Variants in CLTC observed in about 807,000 individuals in gnomAD.
CLTC encodes the protein clathrin heavy chain 1.
A neutral mutation model predicts 195.8 loss-of-function variants in CLTC; 16 were observed. The ratio of observed to expected loss-of-function variants is 0.08; its 90% CI spans 0.06 to 0.12. CLTC has a LOEUF of 0.12. Ranked by LOEUF, CLTC falls within the 10% of genes least tolerant of loss-of-function variation. The probability of loss-of-function intolerance (pLI) is 1.00; values close to 1 mark genes in which losing one functional copy is unlikely to be tolerated. For missense variants in CLTC, 796 were observed against 2,027.0 expected, an observed-to-expected ratio of 0.39 and a Z score of 11.66; for synonymous variants, 667 against 689.4, an observed-to-expected ratio of 0.97 and a Z score of 0.51.
intron 1 of CLTC, among the ~76,000 whole-genome samples, chr17:59,638,684 C>T (rs1340630480): frequency 6.6e-6 from 1 of 152,066 alleles, no homozygotes. Flanking sequence ...ATAGGGTTCG[C>T]GTGCCTATGA....
chr17:59,647,853 C>T (rs564207186), intron 3 of CLTC, among the ~76,000 whole-genome samples, 187 bp downstream of exon 3: 9 of 152,072 alleles, frequency 5.9e-5, no homozygotes, highest in East Asian at 5.8e-4. Flanking sequence ...TCTTCTTCCT[C>T]GCTCCCTTGC....
At chr17:59,638,933 G>A (rs1183352193) in intron 1 of CLTC, among the ~76,000 whole-genome samples, 1 of 152,210 alleles carries the variant, frequency 6.6e-6, no homozygotes, top group Non-Finnish European at 1.5e-5. Flanking sequence ...GAATGGAGAA[G>A]GAAGGAGATG....
Position 59,674,743 on chromosome 17 carries a change from G to C in CLTC, c.2461G>C (p.Asp821His). 6.2e-7 allele frequency: 1 copy of C among 1,613,156 alleles called. No homozygotes were observed. Among genetic ancestry groups the C allele is most frequent in the Non-Finnish European group, 8.5e-7 (1 of 1,179,504 alleles). The change falls in exon 16 of 32, where the codon GAT (aspartate) becomes CAT (histidine). Residue 821 changes from aspartate (D) to histidine (H), a missense_variant. Asp to His is a moderately conservative substitution (Grantham distance 81, BLOSUM62 -1). Around this residue, in one of 9 missense-constraint regions of CLTC, gnomAD observed 160 missense variants for 448.2 expected, o/e 0.36. Transcript: ENST00000269122. ...TCCTGTAGTTATTGGAGGATTACTT[G>C]ATGTTGACTGTTCTGAAGATGTCAT... is the stretch of plus-strand genomic sequence containing the variant. ...RLPVVIGGLLDVDCSEDVIKN... is the reference protein window; with the variant it reads ...RLPVVIGGLLHVDCSEDVIKN...
intron 3 of CLTC, 44 bp downstream of exon 3, chr17:59,647,710 C>T (rs766214993): frequency 3.4e-5 from 51 of 1,516,256 alleles, no homozygotes; most frequent in South Asian, 3.2e-4. Context: ...GTTTAGAACA[C>T]GGTTGTGCCC....
At position 59,681,108 on chromosome 17, in the gene CLTC, T is replaced by C. The variant is rs2033071884; in HGVS notation, c.3065+51T>C. On this transcript the variant is annotated intron_variant, in intron 19 of 31. Coordinates refer to ENST00000269122, the MANE Select transcript of CLTC (RefSeq NM_004859.4). The surrounding 1 kb of genome is among the most constrained non-coding windows in gnomAD (Gnocchi z 5.0). ...CTATTTATAGTCAGTCTTTAATAAATTATGGCCCATCAGTTTTGGGAAGGA... is the reference window on the plus strand; with the variant it reads ...CTATTTATAGTCAGTCTTTAATAAACTATGGCCCATCAGTTTTGGGAAGGA... 6.3e-7 allele frequency: 1 copy of C among 1,579,718 alleles called. No homozygotes were observed.
rs758534869 is a variant in CLTC, at chr17:59,683,859, ACT to A, written c.4324-13_4324-12del. 5.6e-6 allele frequency: 9 copies of A among 1,611,900 alleles called. No homozygotes were observed. The South Asian group carries it at 8.8e-5, about 16-fold the overall frequency. The stretch of plus-strand genomic sequence containing the variant: ...CAATAATGTGCTATATTTGTAACAA[ACT>A]CTTTATTTTAAAGGTTAAACAGCTA... On this transcript the variant is annotated splice_polypyrimidine_tract_variant and intron_variant, in intron 27 of 31. Coordinates refer to ENST00000269122, the MANE Select transcript of CLTC (RefSeq NM_004859.4). This position sits in a 1 kb window ranked among gnomAD's most constrained non-coding sequence, Gnocchi z 6.1.
At chr17:59,623,454 T>G (rs2031446237) in intron 1 of CLTC, among the ~76,000 whole-genome samples, 1 of 152,214 alleles carries the variant, frequency 6.6e-6, no homozygotes, top group Non-Finnish European at 1.5e-5. Flanking sequence ...TTAGTGAAAG[T>G]GCTTTCACTC....
At chr17:59,663,035 G>A (rs1235283800) in intron 8 of CLTC, among the ~76,000 whole-genome samples, 4 of 152,164 alleles carry the variant, frequency 2.6e-5, no homozygotes, top group Non-Finnish European at 5.9e-5. Context: ...AGTCATATGG[G>A]ACCATTTGTG....
chr17:59,685,947 A>AT lies in CLTC; in HGVS notation c.4827+139_4827+140insT. ...TCATAAAATATTCCTGTTCTTTTGA[A>AT]ATTTTTTTTTAATAGCTGACAAATG... is the stretch of plus-strand genomic sequence containing the variant. On this transcript the variant is annotated intron_variant, in intron 30 of 31. Coordinates refer to ENST00000269122, the MANE Select transcript of CLTC (RefSeq NM_004859.4). The surrounding 1 kb of genome is among the most constrained non-coding windows in gnomAD (Gnocchi z 5.0). The AT allele has an allele frequency of 1.5e-6, 1 of 671,302 alleles. No homozygotes were observed. Among genetic ancestry groups the AT allele is most frequent in the Non-Finnish European group, 2.4e-6 (1 of 423,598 alleles). The allele number at this position is 671,302 out of a possible 1,614,324, so 41.6% of individuals were successfully genotyped here. A position where few individuals can be genotyped will look rare whatever the true frequency, so the allele number is the denominator to read the frequency against.
intron 30 of CLTC, among the ~76,000 whole-genome samples, chr17:59,688,839 G>A (rs1223107493): frequency 6.6e-6 from 1 of 152,066 alleles, no homozygotes; most frequent in Non-Finnish European, 1.5e-5. Flanking sequence ...TGGCTTTTTG[G>A]TTGTTTCATT....
intron 6 of CLTC, among the ~76,000 whole-genome samples, chr17:59,659,085 G>C (rs1017583643): frequency 6.6e-6 from 1 of 152,058 alleles, no homozygotes; most frequent in Non-Finnish European, 1.5e-5. Context: ...AATTAAATAC[G>C]TTTTATGCTA....
chr17:59,692,323 T>TAATAA (rs71145564), intron 31 of CLTC, among the ~76,000 whole-genome samples: 130,693 of 151,800 alleles, frequency 0.86, 56,374 homozygotes, highest in East Asian at 0.94. Flanking sequence ...CAAAAAATAA[T>TAATAA]AATAAACTGG....
intron 1 of CLTC, among the ~76,000 whole-genome samples, chr17:59,625,977 A>G (rs1229420175): frequency 6.6e-6 from 1 of 152,204 alleles, no homozygotes; most frequent in Non-Finnish European, 1.5e-5. Flanking sequence ...AGCATTAATT[A>G]TTGGCTAAAT....
chr17:59,637,604 T>G (rs548310598), intron 1 of CLTC, among the ~76,000 whole-genome samples: 6 of 144,620 alleles, frequency 4.1e-5, no homozygotes, highest in African/African-American at 1.5e-4. Context: ...GACTCATGCC[T>G]GTAATCCCAG....
In CLTC at chr17:59,661,654, T is replaced by C. The variant is rs1321696713; in HGVS notation, c.1368+11T>C. On this transcript the variant is annotated intron_variant, in intron 8 of 31. Transcript: ENST00000269122. ...TTAAAAGAAGATAAGGTACGTTAAA[T>C]TATGTTGACATAATCTTGCTTTGGT... 1.9e-6 allele frequency: 3 copies of C among 1,612,142 alleles called. No individual in the cohort carries two copies. Among genetic ancestry groups the C allele is most frequent in the Non-Finnish European group, 2.5e-6 (3 of 1,178,306 alleles).
chr17:59,634,826 C>G (rs941802854), intron 1 of CLTC, among the ~76,000 whole-genome samples: 1 of 152,172 alleles, frequency 6.6e-6, no homozygotes, highest in African/African-American at 2.4e-5. Flanking sequence ...TTCTTATTTC[C>G]TGTAGAATAC....
intron 6 of CLTC, among the ~76,000 whole-genome samples, chr17:59,657,700 G>A (rs1287474232): frequency 5.3e-5 from 8 of 150,816 alleles, no homozygotes; most frequent in Non-Finnish European, 1.2e-4. Flanking sequence ...CCTGGGAGGC[G>A]GAGGTTTCTA....
chr17:59,678,589 C>T (rs2033015793), intron 17 of CLTC, among the ~76,000 whole-genome samples: 1 of 152,160 alleles, frequency 6.6e-6, no homozygotes, highest in African/African-American at 2.4e-5. Context: ...GTGTCATGGG[C>T]TCATTTTTCT....
Position 59,666,249 on chromosome 17 carries a change from T to G in CLTC, c.1782+9T>G, listed in dbSNP as rs750918760. 1.9e-6 allele frequency: 3 copies of G among 1,611,460 alleles called. No individual in the cohort carries two copies. Among genetic ancestry groups the G allele is most frequent in the Non-Finnish European group, 2.5e-6 (3 of 1,177,876 alleles). ...TTATGCATGCGCCTCAAGTATGTGT[T>G]TTAATGCTTTTTAGGCATGTTTCCA... On this transcript the variant is annotated intron_variant, in intron 11 of 31. Transcript: ENST00000269122. The surrounding 1 kb of genome is among the most constrained non-coding windows in gnomAD (Gnocchi z 4.9).
Sources: gnomAD v4.1 joint callset for allele counts (sites outside exome capture counted in the v4.1 genomes callset) on GRCh38, gnomAD v4.1.1 for gene constraint, gnomAD v4.1.1 regional missense constraint, Gnocchi (gnomAD v3.1) non-coding constraint, MANE v1.5 for transcripts, NCBI Gene and HGNC (gene_info 2026-07-23, HGNC 2026-07-21) for gene names.